Variants in ABLIM1 observed in about 807,000 individuals in gnomAD.
ABLIM1 encodes actin-binding LIM protein 1.
ABLIM1 carries 40 observed loss-of-function variants against 107.0 expected under a neutral mutation model. The ratio of observed to expected loss-of-function variants is 0.37; its 90% confidence interval spans 0.29 to 0.49. ABLIM1 has a LOEUF of 0.49. ABLIM1 is among the 20% of genes least tolerant of loss of function. The pLI, the probability that ABLIM1 is intolerant of heterozygous loss-of-function variation, is 0.97. For synonymous variants in ABLIM1, 357 were observed against 357.3 expected (o/e 1.00, Z 0.01); for missense variants, 857 against 1,008.5 (o/e 0.85, Z 2.04).
At chr10:114,609,771 T>C (rs2076682630) in intron 1 of ABLIM1, among the ~76,000 whole-genome samples, 1 of 152,214 alleles carries the variant, frequency 6.6e-6, no homozygotes. Flanking sequence ...ACTATATTAT[T>C]ATAACAAGTA....
chr10:114,444,086 C>T lies in ABLIM1; in HGVS notation c.1876G>A (p.Glu626Lys). The T allele has an allele frequency of 6.2e-7, 1 of 1,611,838 alleles. No homozygotes were observed. Among genetic ancestry groups the T allele is most frequent in the Non-Finnish European group, 8.5e-7 (1 of 1,179,522 alleles). Residue 626 changes from glutamate to lysine, a missense_variant, in exon 17 of 23, where the codon GAG becomes AAG. Physicochemically the swap from Glu to Lys is moderately conservative, Grantham distance 56. This residue lies in a region of ABLIM1 where 193 missense variants were observed against 208.5 expected (regional missense o/e 0.93). Transcript: ENST00000533213. ...AACAGAGATGACCTTTCCCGGCTCT[C>T]TTTCTCCATCTCTTCTTTCAAGATC... ...QLILKEEMEK[E>K]SRERSSLLAS... is the part of the protein sequence containing the mutation.
Position 114,435,670 on chromosome 10 carries a change from A to G in ABLIM1, c.*590T>C, listed in dbSNP as rs998556374. 4 of 152,164 alleles carry G rather than the reference A, an allele frequency of 2.6e-5. No individual in the cohort carries two copies. Among genetic ancestry groups the G allele is most frequent in the African/African-American group, 4.8e-5 (2 of 41,416 alleles). 9.4% of individuals were successfully genotyped at this position (152,164 alleles called of 1,614,324 possible). On this transcript the variant is annotated 3_prime_UTR_variant, in exon 23 of 23. Coordinates refer to ENST00000533213, the MANE Select transcript of ABLIM1 (RefSeq NM_002313.7). ...AGAACAAGGAGCTTGCTAAGAATTA[A>G]TTTTGCTGTTTTTCACCCCATTCAA...
intron 1 of ABLIM1, among the ~76,000 whole-genome samples, chr10:114,617,605 G>A (rs2077211044): frequency 6.6e-6 from 1 of 152,018 alleles, no homozygotes; most frequent in South Asian, 2.1e-4. Context: ...TTATCTGCAA[G>A]GGACCTCGGG....
chr10:114,730,429 G>A lies in ABLIM1; in HGVS notation c.-213+37632C>T, dbSNP rs185838468. Among the ~76,000 whole-genome samples, 691 of 147,914 alleles carry A rather than the reference G, an allele frequency of 4.7e-3. 1 individual carries two copies. The highest frequency in any genetic ancestry group is 7.4e-3 in the Non-Finnish European group (501 of 67,348). Reference sequence around the variant, plus strand: ...AAAAAAAAAAAAAAAAGAATTCCACGTAGAGAAGGGCTGAGTAAGCACTAT... The same window carrying A: ...AAAAAAAAAAAAAAAAGAATTCCACATAGAGAAGGGCTGAGTAAGCACTAT... On this transcript the variant is annotated intron_variant, in intron 1 of 15. Coordinates refer to the ABLIM1 transcript ENST00000651092.
chr10:114,513,381 GTA>G (rs980117317), intron 6 of ABLIM1, among the ~76,000 whole-genome samples: 4 of 152,050 alleles, frequency 2.6e-5, no homozygotes, highest in African/African-American at 9.7e-5. Flanking sequence ...CTTCATTTCA[GTA>G]ACAGCCAGTA....
At position 114,725,403 on chromosome 10, in the gene ABLIM1, C is replaced by T. The variant is rs528926974; in HGVS notation, c.-213+42658G>A. ...TTTTATAAAATGTAGACCATCTATACAATAAATTCATATTTATGAACAAGG... is the reference window on the plus strand; with the variant it reads ...TTTTATAAAATGTAGACCATCTATATAATAAATTCATATTTATGAACAAGG... On this transcript the variant is annotated intron_variant, in intron 1 of 15. Coordinates refer to the ABLIM1 transcript ENST00000651092. Among the ~76,000 whole-genome samples, 5 of 152,246 alleles carry T rather than the reference C, an allele frequency of 3.3e-5. No individual in the cohort carries two copies. In the East Asian group the frequency reaches 9.6e-4, roughly 29 times the overall value.
chr10:114,564,975 T>G (rs2070452429), intron 4 of ABLIM1, among the ~76,000 whole-genome samples: 1 of 152,166 alleles, frequency 6.6e-6, no homozygotes, highest in South Asian at 2.1e-4. Context: ...CACAACTACC[T>G]TATGAGAAGG....
At chr10:114,757,164 A>C (rs2082648213) in intron 1 of ABLIM1, among the ~76,000 whole-genome samples, 1 of 152,224 alleles carries the variant, frequency 6.6e-6, no homozygotes, top group South Asian at 2.1e-4. Context: ...CATAATGAGA[A>C]ACCATAAATA....
chr10:114,761,983 G>GCGCTCT (rs1555234061), intron 1 of ABLIM1, among the ~76,000 whole-genome samples: 1 of 145,618 alleles, frequency 6.9e-6, no homozygotes, highest in Non-Finnish European at 1.5e-5. Context: ...TATCCCATAT[G>GCGCTCT]CTCTCTCTCT....
intron 1 of ABLIM1, among the ~76,000 whole-genome samples, chr10:114,742,661 G>T (rs1349506366): frequency 6.6e-6 from 1 of 152,152 alleles, no homozygotes; most frequent in South Asian, 2.1e-4. Flanking sequence ...AGGCACAGTG[G>T]CTCATGCTTG....
chr10:114,470,816 T>C lies in ABLIM1; in HGVS notation c.1275+2161A>G, dbSNP rs368043626. ...TTGAGGTATATAATTTCCCCAAAGT[T>C]ATGTGGTTAGTCAGCATCGGTCTGG... On this transcript the variant is annotated intron_variant, in intron 10 of 22. Coordinates refer to ENST00000533213, the MANE Select transcript of ABLIM1 (RefSeq NM_002313.7). Among the ~76,000 whole-genome samples, 22 of 152,338 alleles carry C rather than the reference T, an allele frequency of 1.4e-4. No homozygotes were observed. The East Asian group carries it at 3.3e-3, about 23-fold the overall frequency.
intron 6 of ABLIM1, among the ~76,000 whole-genome samples, chr10:114,519,397 C>A (rs1436530816): frequency 6.6e-6 from 1 of 152,170 alleles, no homozygotes; most frequent in South Asian, 2.1e-4. Flanking sequence ...GGTCCGGGAA[C>A]CAGCCGGCCA....
intron 4 of ABLIM1, among the ~76,000 whole-genome samples, chr10:114,552,380 T>C (rs2483532): frequency 0.95 from 144,184 of 152,244 alleles, 68,322 homozygotes; most frequent in East Asian, 1. Context: ...GTGATTGGCA[T>C]TGGAATTATT....
intron 1 of ABLIM1, among the ~76,000 whole-genome samples, chr10:114,623,028 C>T (rs975292165): frequency 1.3e-5 from 2 of 152,160 alleles, no homozygotes; most frequent in Non-Finnish European, 2.9e-5. Context: ...ATGGCGATCT[C>T]AGCTCACTGC....
chr10:114,457,321 G>C (rs187979429), intron 12 of ABLIM1, among the ~76,000 whole-genome samples: 188 of 152,068 alleles, frequency 1.2e-3, no homozygotes, highest in African/African-American at 4.1e-3. Context: ...CCAGGCTGTA[G>C]TGCAGTGGTG....
intron 10 of ABLIM1, among the ~76,000 whole-genome samples, chr10:114,471,333 C>A (rs2066503840): frequency 6.6e-6 from 1 of 152,130 alleles, no homozygotes; most frequent in Admixed American, 6.6e-5. Flanking sequence ...ATCCTTAACA[C>A]CATTAAAAAA....
At chr10:114,532,583 C>T (rs1421488986) in intron 6 of ABLIM1, among the ~76,000 whole-genome samples, 1 of 152,198 alleles carries the variant, frequency 6.6e-6, no homozygotes, top group African/African-American at 2.4e-5. Context: ...CATGCCATCT[C>T]CTGGGCCCTG....
intron 6 of ABLIM1, among the ~76,000 whole-genome samples, chr10:114,511,622 C>A (rs1055508668): frequency 3.3e-5 from 5 of 152,098 alleles, no homozygotes; most frequent in African/African-American, 1.2e-4. Context: ...GCCTCAGCCT[C>A]CCTAAGTGCT....
intron 1 of ABLIM1, among the ~76,000 whole-genome samples, chr10:114,626,293 G>C (rs191621070): frequency 6.6e-6 from 1 of 152,214 alleles, no homozygotes; most frequent in Non-Finnish European, 1.5e-5. Context: ...CCAGCAGCTT[G>C]AGGCAGAAAG....
Sources: allele counts gnomAD v4.1 joint callset (sites outside exome capture counted in the v4.1 genomes callset), GRCh38; gene constraint gnomAD v4.1.1; regional missense constraint gnomAD v4.1.1; transcripts MANE v1.5; gene names NCBI Gene and HGNC (gene_info 2026-07-23, HGNC 2026-07-21).